The following THSD4 variants were observed in gnomAD, a reference collection of about 807,000 sequenced individuals.
THSD4 encodes the protein thrombospondin type 1 domain containing 4, also known as thrombospondin type-1 domain-containing protein 4.
Under a neutral mutation model 119.0 loss-of-function variants are expected in THSD4, and 69 were observed. That is an observed-to-expected ratio of 0.58 (90% CI 0.48 to 0.71). The LOEUF is 0.71. THSD4 is among the 30% of genes least tolerant of loss of function. The pLI is 0.00. For missense variants in THSD4, 1,393 were observed against 1,391.1 expected (o/e 1.00, Z -0.02); for synonymous variants, 524 against 540.4 (o/e 0.97, Z 0.42).
chr15:71,484,467 G>T (rs1375327313), intron 7 of THSD4, among the ~76,000 whole-genome samples: 1 of 152,180 alleles, frequency 6.6e-6, no homozygotes, highest in East Asian at 1.9e-4. Context: ...TTACACAGAA[G>T]CCTGGCTTTT....
At chr15:71,414,351 A>C (rs1346905814) in intron 7 of THSD4, among the ~76,000 whole-genome samples, 1 of 152,232 alleles carries the variant, frequency 6.6e-6, no homozygotes, top group Non-Finnish European at 1.5e-5. Context: ...TAGATTTGTC[A>C]GATGCACATG....
intron 4 of THSD4, among the ~76,000 whole-genome samples, chr15:71,216,284 A>T (rs2043931770): frequency 6.6e-6 from 1 of 152,262 alleles, no homozygotes; most frequent in Non-Finnish European, 1.5e-5. Flanking sequence ...AGCCCTGTTA[A>T]TGCCCAGCAG....
At chr15:71,772,458 A>G (rs1213490804) in intron 17 of THSD4, among the ~76,000 whole-genome samples, 2 of 152,244 alleles carry the variant, frequency 1.3e-5, no homozygotes, top group Non-Finnish European at 2.9e-5. Flanking sequence ...AAGCCTTGCT[A>G]TAGAATATAA....
At chr15:71,715,789 T>A (rs1021099431) in intron 8 of THSD4, among the ~76,000 whole-genome samples, 1 of 149,266 alleles carries the variant, frequency 6.7e-6, no homozygotes, top group Admixed American at 6.7e-5. Flanking sequence ...TTTTTTTTTT[T>A]CCTCTATTTA....
chr15:71,390,005 A>T (rs1393096513), intron 6 of THSD4, among the ~76,000 whole-genome samples: 4 of 151,704 alleles, frequency 2.6e-5, no homozygotes, highest in Non-Finnish European at 5.9e-5. Context: ...GCATTTCACC[A>T]TATTGGCCAG....
chr15:71,645,948 C>T (rs778223228), intron 7 of THSD4, among the ~76,000 whole-genome samples: 32 of 152,250 alleles, frequency 2.1e-4, no homozygotes, highest in Non-Finnish European at 3.5e-4. Flanking sequence ...ACCTGTCCAA[C>T]ACGTGCACCT....
At chr15:71,472,821 T>C (rs2047600317) in intron 7 of THSD4, among the ~76,000 whole-genome samples, 1 of 152,180 alleles carries the variant, frequency 6.6e-6, no homozygotes, top group Non-Finnish European at 1.5e-5. Context: ...TGGTAAACTT[T>C]GCATTGTAAA....
At chr15:71,745,023 A>T in intron 11 of THSD4, 83 bp from the exon 12 acceptor site, 16 of 1,522,576 alleles carry the variant, frequency 1.1e-5, no homozygotes, top group Non-Finnish European at 1.4e-5. Context: ...CTTCATCAGC[A>T]CCCGAATCTC....
At chr15:71,733,910 C>CA (rs773198822) in intron 10 of THSD4, 8,380 of 74,188 alleles carry the variant, frequency 0.11, 522 homozygotes, top group Non-Finnish European at 0.14. Context: ...ACTCTGTCTC[C>CA]AAAAAAAAAA....
intron 7 of THSD4, among the ~76,000 whole-genome samples, chr15:71,609,511 G>A (rs541294138): frequency 1.3e-5 from 2 of 152,240 alleles, no homozygotes; most frequent in South Asian, 4.2e-4. Flanking sequence ...GAAGCCTGAA[G>A]AAGCCAGTAA....
At chr15:71,658,990 A>G (rs537275033) in intron 7 of THSD4, among the ~76,000 whole-genome samples, 2 of 152,176 alleles carry the variant, frequency 1.3e-5, no homozygotes, top group Non-Finnish European at 2.9e-5. Context: ...TGCCCACAGG[A>G]TTTGACCTAT....
chr15:71,376,986 G>C (rs1464681694), intron 6 of THSD4, among the ~76,000 whole-genome samples: 2 of 152,198 alleles, frequency 1.3e-5, no homozygotes, highest in Non-Finnish European at 2.9e-5. Flanking sequence ...TAGCAGGTGT[G>C]TGCAGGGTGA....
intron 4 of THSD4, among the ~76,000 whole-genome samples, chr15:71,222,502 A>G (rs2043983114): frequency 6.6e-6 from 1 of 152,214 alleles, no homozygotes. Context: ...CAGGTTGACA[A>G]CTTTCTTCTC....
chr15:71,683,435 A>T (rs1195364256), intron 8 of THSD4, among the ~76,000 whole-genome samples: 3 of 152,176 alleles, frequency 2.0e-5, no homozygotes, highest in Non-Finnish European at 4.4e-5. Context: ...ACCAGCCCTG[A>T]TGGCATTTAC....
At chr15:71,669,662 T>C (rs2051484299) in intron 8 of THSD4, among the ~76,000 whole-genome samples, 1 of 152,234 alleles carries the variant, frequency 6.6e-6, no homozygotes, top group Non-Finnish European at 1.5e-5. Flanking sequence ...TTTATATTTA[T>C]AAAGATAATG....
chr15:71,540,949 C>A (rs2048751973), intron 7 of THSD4, among the ~76,000 whole-genome samples: 1 of 152,136 alleles, frequency 6.6e-6, no homozygotes, highest in African/African-American at 2.4e-5. Context: ...TCTCGAACTC[C>A]TGACCTCAAG....
At chr15:71,558,203 C>A (rs572717943) in intron 7 of THSD4, among the ~76,000 whole-genome samples, 1 of 152,290 alleles carries the variant, frequency 6.6e-6, no homozygotes, top group South Asian at 2.1e-4. Flanking sequence ...TGGCTGGCAT[C>A]TGTAGTCCCA....
chr15:71,558,052 A>G (rs2049047778), intron 7 of THSD4, among the ~76,000 whole-genome samples: 1 of 151,990 alleles, frequency 6.6e-6, no homozygotes, highest in African/African-American at 2.4e-5. Flanking sequence ...TGTGGGCCGC[A>G]TGTGGTGGCT....
At chr15:71,172,089 TC>T (rs1313539576) in intron 3 of THSD4, 1 of 151,710 alleles carries the variant, frequency 6.6e-6, no homozygotes, top group Non-Finnish European at 1.5e-5. Flanking sequence ...ACTTTGGGAG[TC>T]TGAGGTGGGT....
Sources: allele counts gnomAD v4.1 joint callset (sites outside exome capture counted in the v4.1 genomes callset), GRCh38; gene constraint gnomAD v4.1.1; transcripts MANE v1.5; gene names NCBI Gene and HGNC (gene_info 2026-07-23, HGNC 2026-07-21).